The following EYS variants were observed in gnomAD, a reference collection of about 807,000 sequenced individuals.
The protein encoded by EYS is protein eyes shut homolog.
In EYS, 250 loss-of-function variants were observed where a neutral mutation model predicts 282.1. That is an observed-to-expected ratio of 0.89 (90% CI 0.80 to 0.98). The LOEUF (loss-of-function observed/expected upper bound fraction) is 0.98. Among genes scored for constraint, EYS ranks in the 50% least tolerant of loss-of-function variants. EYS has a pLI of 0.00. For synonymous variants in EYS, 1,355 were observed against 1,282.9 expected (o/e 1.06, Z -1.20); for missense variants, 4,016 against 3,709.0 (o/e 1.08, Z -2.15).
intron 22 of EYS, among the ~76,000 whole-genome samples, chr6:64,702,021 T>C (rs909218358): frequency 7.5e-6 from 1 of 132,522 alleles, no homozygotes; most frequent in Non-Finnish European, 1.7e-5. Context: ...CTTGTGCTAT[T>C]AGTCATAAAA....
intron 40 of EYS, among the ~76,000 whole-genome samples, chr6:63,775,827 A>G (rs1451922103): frequency 6.6e-6 from 1 of 152,156 alleles, no homozygotes; most frequent in African/African-American, 2.4e-5. Flanking sequence ...AATATTTTTG[A>G]ACAGCTTTAT....
intron 14 of EYS, among the ~76,000 whole-genome samples, chr6:64,992,019 C>A (rs920765618): frequency 2.6e-5 from 4 of 151,622 alleles, no homozygotes; most frequent in Non-Finnish European, 5.9e-5. Context: ...AATCACAAGG[C>A]GTTATAAATT....
intron 12 of EYS, among the ~76,000 whole-genome samples, chr6:65,065,424 C>T (rs1773716222): frequency 6.6e-6 from 1 of 151,010 alleles, no homozygotes; most frequent in Non-Finnish European, 1.5e-5. Flanking sequence ...GCTCTGTCTC[C>T]CAGGCTGGAG....
chr6:65,100,010 G>T (rs1188790572), intron 12 of EYS, among the ~76,000 whole-genome samples: 1 of 150,762 alleles, frequency 6.6e-6, no homozygotes. Flanking sequence ...ATAAAAACTA[G>T]ATTGAATATT....
chr6:64,580,788 T>A (rs1296089611), intron 26 of EYS, among the ~76,000 whole-genome samples: 1 of 152,102 alleles, frequency 6.6e-6, no homozygotes, highest in Non-Finnish European at 1.5e-5. Context: ...ACTGCATTAT[T>A]TCAAGAGAGA....
At chr6:64,050,432 G>A (rs1770772054) in intron 33 of EYS, among the ~76,000 whole-genome samples, 1 of 152,020 alleles carries the variant, frequency 6.6e-6, no homozygotes, top group Admixed American at 6.6e-5. Flanking sequence ...TTAACTAGAG[G>A]GTCTTATAGT....
chr6:64,913,676 G>A (rs1230242160), intron 15 of EYS, among the ~76,000 whole-genome samples: 2 of 152,056 alleles, frequency 1.3e-5, no homozygotes, highest in African/African-American at 4.8e-5. Context: ...AGCTACGTTG[G>A]TTCCATGATT....
chr6:63,828,165 T>C (rs1052430612), intron 36 of EYS, among the ~76,000 whole-genome samples: 3 of 151,918 alleles, frequency 2.0e-5, no homozygotes, highest in Non-Finnish European at 4.4e-5. Flanking sequence ...AGGTTACACC[T>C]CAAGGAAATA....
chr6:65,622,938 C>T (rs946424699), intron 2 of EYS, among the ~76,000 whole-genome samples: 8 of 152,030 alleles, frequency 5.3e-5, no homozygotes, highest in African/African-American at 1.2e-4. Flanking sequence ...TCAAATTATT[C>T]GTACAGCTGA....
chr6:64,858,642 C>T (rs896832346), intron 19 of EYS, among the ~76,000 whole-genome samples: 1 of 151,976 alleles, frequency 6.6e-6, no homozygotes, highest in Non-Finnish European at 1.5e-5. Context: ...AACAACATGA[C>T]TAATTGGTAT....
At chr6:65,618,680 G>A (rs933078894) in intron 2 of EYS, among the ~76,000 whole-genome samples, 7 of 152,162 alleles carry the variant, frequency 4.6e-5, no homozygotes, top group Non-Finnish European at 1.0e-4. Context: ...GGTTTTTACG[G>A]TTTTAGGTCT....
rs1254055630 is a variant in EYS at position 65,603,988 on chromosome 6, TC to T, written c.-333+35789del. 2.2e-4 allele frequency among the ~76,000 whole-genome samples: 34 copies of T among 151,930 alleles called. 1 individual carries two copies. Among genetic ancestry groups the T allele is most frequent in the African/African-American group, 7.2e-4 (30 of 41,524 alleles). On this transcript the variant is annotated intron_variant, in intron 2 of 42. Transcript: ENST00000503581. ...ATTTTTTTCCTTGATTTGAATGACT[TC>T]TTTTTTCTTTTCAGGTACTTATATG... is the stretch of plus-strand genomic sequence containing the variant.
chr6:64,763,484 C>T (rs535565873), intron 22 of EYS, among the ~76,000 whole-genome samples: 3 of 152,236 alleles, frequency 2.0e-5, no homozygotes, highest in South Asian at 4.2e-4. Context: ...GAGGCAAATC[C>T]TCACAATCCA....
chr6:65,328,369 C>T (rs1028313246), intron 11 of EYS, among the ~76,000 whole-genome samples: 3 of 151,294 alleles, frequency 2.0e-5, no homozygotes, highest in Non-Finnish European at 3.0e-5. Flanking sequence ...AGCATTTTGT[C>T]ATAATAATTA....
chr6:65,384,813 A>G (rs1765738923), intron 7 of EYS, among the ~76,000 whole-genome samples: 1 of 151,874 alleles, frequency 6.6e-6, no homozygotes, highest in Non-Finnish European at 1.5e-5. Context: ...ATGAAGAAAA[A>G]ACATGACAAA....
intron 12 of EYS, among the ~76,000 whole-genome samples, chr6:65,240,186 T>G (rs1426620831): frequency 2.6e-5 from 4 of 152,070 alleles, no homozygotes; most frequent in Non-Finnish European, 5.9e-5. Context: ...GTCAGGATGG[T>G]CTTGATCTCC....
intron 33 of EYS, among the ~76,000 whole-genome samples, chr6:64,057,722 T>C (rs1471709517): frequency 6.6e-6 from 1 of 151,990 alleles, no homozygotes; most frequent in Non-Finnish European, 1.5e-5. Flanking sequence ...TATTTGAATT[T>C]CATAAGCTAT....
Position 64,606,492 on chromosome 6 carries a change from C to G in EYS, c.3684+10926G>C, listed in dbSNP as rs528163598. On this transcript the variant is annotated intron_variant, in intron 24 of 42. Transcript: ENST00000503581. ...CCCATTTCTCCCTTGGAGTATTATT[C>G]TATACCAACCCAAACAGCCACAGTT... 2.0e-5 allele frequency among the ~76,000 whole-genome samples: 3 copies of G among 152,082 alleles called. 1 individual carries two copies. The South Asian group carries it at 6.2e-4, about 32-fold the overall frequency.
rs576881063 is a variant in EYS, at chr6:63,801,787, G to A, written c.7411+4403C>T. ...GAGCTCAATGGTGGTGGCAGTATTT[G>A]GTGGCAGTATTTGCAAAATGAGTGT... On this transcript the variant is annotated intron_variant, in intron 37 of 42. Coordinates refer to ENST00000503581, the MANE Select transcript of EYS (RefSeq NM_001142800.2). 3.3e-5 allele frequency among the ~76,000 whole-genome samples: 5 copies of A among 152,300 alleles called. No individual in the cohort carries two copies. The South Asian group carries it at 8.3e-4, about 25-fold the overall frequency.
Sources: allele counts gnomAD v4.1 joint callset (sites outside exome capture counted in the v4.1 genomes callset), GRCh38; gene constraint gnomAD v4.1.1; transcripts MANE v1.5; gene names NCBI Gene and HGNC (gene_info 2026-07-23, HGNC 2026-07-21).